Variants in CNTNAP2 observed in about 807,000 individuals in gnomAD.
CNTNAP2 encodes the protein contactin-associated protein-like 2.
Under a neutral mutation model 155.2 loss-of-function variants are expected in CNTNAP2, and 98 were observed. That is an observed-to-expected ratio of 0.63 (90% confidence interval 0.54 to 0.75). The LOEUF (loss-of-function observed/expected upper bound fraction) is 0.75, where lower values mean the gene tolerates loss of function less well. Ranked by LOEUF, CNTNAP2 falls within the 30% of genes least tolerant of loss-of-function variation. The probability of loss-of-function intolerance (pLI) is 0.00; values close to 1 mark genes in which losing one functional copy is unlikely to be tolerated. For synonymous variants in CNTNAP2, 651 were observed against 631.2 expected, an observed-to-expected ratio of 1.03 and a Z score of -0.47; for missense variants, 1,727 against 1,688.1, an observed-to-expected ratio of 1.02 and a Z score of -0.40.
chr7:147,092,997 C>T (rs949215784), intron 4 of CNTNAP2, among the ~76,000 whole-genome samples: 6 of 151,432 alleles, frequency 4.0e-5, no homozygotes, highest in South Asian at 4.2e-4. Flanking sequence ...CCGAGGCAGG[C>T]GGATCACGAC....
intron 12 of CNTNAP2, among the ~76,000 whole-genome samples, chr7:147,599,992 T>C (rs979380822): frequency 2.0e-5 from 3 of 152,224 alleles, no homozygotes; most frequent in African/African-American, 7.2e-5. Context: ...GAAAACAACC[T>C]TATTCACAAT....
At chr7:147,882,004 T>C (rs550930686) in intron 13 of CNTNAP2, among the ~76,000 whole-genome samples, 59 of 151,160 alleles carry the variant, frequency 3.9e-4, no homozygotes, top group African/African-American at 1.4e-3. Context: ...GAAAAAACAG[T>C]GGCAAACTTG....
intron 10 of CNTNAP2, among the ~76,000 whole-genome samples, chr7:147,425,573 C>G (rs531798237): frequency 3.3e-5 from 5 of 152,120 alleles, no homozygotes; most frequent in Non-Finnish European, 7.4e-5. Flanking sequence ...TCTATTTGCT[C>G]TCCACCCCAT....
intron 8 of CNTNAP2, among the ~76,000 whole-genome samples, chr7:147,157,949 T>C (rs551866047): frequency 6.6e-6 from 1 of 152,226 alleles, no homozygotes; most frequent in Admixed American, 6.5e-5. Context: ...ATTTTATTGA[T>C]TTTTAAGGGA....
chr7:146,872,292 A>G (rs889190296), intron 3 of CNTNAP2, among the ~76,000 whole-genome samples: 1 of 152,052 alleles, frequency 6.6e-6, no homozygotes, highest in Non-Finnish European at 1.5e-5. Context: ...AAACTTAATA[A>G]AACTATGTAT....
At chr7:146,981,188 T>A (rs1490164474) in intron 3 of CNTNAP2, among the ~76,000 whole-genome samples, 2 of 152,198 alleles carry the variant, frequency 1.3e-5, no homozygotes, top group Non-Finnish European at 2.9e-5. Context: ...AAATATTGAT[T>A]GATCTCCTAA....
chr7:147,870,844 C>T (rs748346514), intron 13 of CNTNAP2, among the ~76,000 whole-genome samples: 44 of 151,878 alleles, frequency 2.9e-4, no homozygotes, highest in African/African-American at 4.8e-5. Context: ...TTGTGGATGG[C>T]GAGGGGATAC....
chr7:148,093,247 G>A (rs141047135), intron 15 of CNTNAP2, among the ~76,000 whole-genome samples: 3 of 151,516 alleles, frequency 2.0e-5, no homozygotes, highest in Non-Finnish European at 4.4e-5. Flanking sequence ...ATAATAAATA[G>A]AGCCTTGTGA....
At chr7:147,440,602 C>A (rs925661727) in intron 10 of CNTNAP2, among the ~76,000 whole-genome samples, 1 of 152,082 alleles carries the variant, frequency 6.6e-6, no homozygotes, top group African/African-American at 2.4e-5. Flanking sequence ...ACATTCTTTT[C>A]TTTCTGATTG....
Position 146,371,408 on chromosome 7 carries a change from G to A in CNTNAP2, c.97+254435G>A, listed in dbSNP as rs548907044. Among the ~76,000 whole-genome samples, 23 of 111,198 alleles carry A rather than the reference G, an allele frequency of 2.1e-4. No individual in the cohort carries two copies. The East Asian group carries it at 3.8e-3, about 18-fold the overall frequency. 73.0% of individuals were successfully genotyped at this position (111,198 alleles called of 152,430 possible). On this transcript the variant is annotated intron_variant, in intron 1 of 23. Coordinates refer to ENST00000361727, the MANE Select transcript of CNTNAP2 (RefSeq NM_014141.6). Reference sequence around the variant, plus strand: ...TTTTGAGATGGAGTCTCGCTCTGTTGCCCAGGCTGGAGTGCAGTGGCATGA... The same window carrying A: ...TTTTGAGATGGAGTCTCGCTCTGTTACCCAGGCTGGAGTGCAGTGGCATGA...
chr7:147,563,379 C>T (rs1161763056), intron 12 of CNTNAP2, among the ~76,000 whole-genome samples: 1 of 151,958 alleles, frequency 6.6e-6, no homozygotes, highest in Non-Finnish European at 1.5e-5. Flanking sequence ...GCCTGTAATC[C>T]CAGCATCTTG....
At chr7:146,738,233 G>T (rs534860580) in intron 1 of CNTNAP2, among the ~76,000 whole-genome samples, 8 of 151,630 alleles carry the variant, frequency 5.3e-5, no homozygotes, top group Admixed American at 5.3e-4. Flanking sequence ...TATCTCATTG[G>T]GTTTTAATTT....
intron 22 of CNTNAP2, among the ~76,000 whole-genome samples, chr7:148,387,831 G>C (rs1368853577): frequency 6.6e-6 from 1 of 152,018 alleles, no homozygotes; most frequent in African/African-American, 2.4e-5. Flanking sequence ...ACTCCATCTC[G>C]AATAGGGGCT....
chr7:146,486,355 C>T (rs1426216741), intron 1 of CNTNAP2, among the ~76,000 whole-genome samples: 2 of 151,846 alleles, frequency 1.3e-5, no homozygotes, highest in African/African-American at 4.8e-5. Context: ...TGAGCAACAG[C>T]GCCCAGCCAC....
chr7:146,700,953 T>G (rs147050192), intron 1 of CNTNAP2, among the ~76,000 whole-genome samples: 19 of 152,204 alleles, frequency 1.2e-4, no homozygotes, highest in African/African-American at 4.6e-4. Context: ...GCACATAAAA[T>G]TATGCTAGCC....
chr7:146,246,751 T>C (rs1240653338), intron 1 of CNTNAP2, among the ~76,000 whole-genome samples: 2 of 152,152 alleles, frequency 1.3e-5, no homozygotes, highest in Non-Finnish European at 2.9e-5. Context: ...GTCCGATTTC[T>C]AGTGGTGTCC....
chr7:147,283,600 G>A (rs146146203), intron 8 of CNTNAP2, among the ~76,000 whole-genome samples: 106 of 152,010 alleles, frequency 7.0e-4, no homozygotes, highest in African/African-American at 2.3e-3. Context: ...TTGTATCATA[G>A]AAGTTTAACA....
intron 8 of CNTNAP2, among the ~76,000 whole-genome samples, chr7:147,149,311 G>C (rs758021672): frequency 6.6e-6 from 1 of 152,036 alleles, no homozygotes; most frequent in Non-Finnish European, 1.5e-5. Flanking sequence ...TTTACAGAGC[G>C]CTGATTGGTG....
At chr7:147,349,767 A>C (rs749278503) in intron 9 of CNTNAP2, among the ~76,000 whole-genome samples, 1 of 151,916 alleles carries the variant, frequency 6.6e-6, no homozygotes, top group Non-Finnish European at 1.5e-5. Flanking sequence ...CCATTTGGTG[A>C]GTTTAAAGTT....
Sources: allele counts gnomAD v4.1 joint callset (sites outside exome capture counted in the v4.1 genomes callset), GRCh38; gene constraint gnomAD v4.1.1; transcripts MANE v1.5; gene names NCBI Gene and HGNC (gene_info 2026-07-23, HGNC 2026-07-21).